Variants in ABTB3 observed in about 807,000 individuals in gnomAD.
ABTB3 encodes ankyrin repeat and BTB domain containing 3, also known as ankyrin repeat- and BTB/POZ domain-containing protein 3.
chr12:107,581,105 CCGGGGAGGCCCTAACGCGCGT>C, the ABTB3 span: 1 of 1,545,234 alleles, frequency 6.5e-7, no homozygotes, highest in Non-Finnish European at 8.7e-7. Flanking sequence ...GCCCCTGCCT[CCGGGGAGGCCCTAACGCGCGT>C]CTCCGGGTCC....
the ABTB3 span, among the ~76,000 whole-genome samples, chr12:107,588,842 G>T: frequency 6.6e-6 from 1 of 152,130 alleles, no homozygotes; most frequent in Non-Finnish European, 1.5e-5. Flanking sequence ...TTTAAATGTT[G>T]GTTGTCCATC....
At chr12:107,415,362 G>T in the ABTB3 span, among the ~76,000 whole-genome samples, 1 of 152,118 alleles carries the variant, frequency 6.6e-6, no homozygotes, top group Non-Finnish European at 1.5e-5. Context: ...CTCCAGCAGA[G>T]AAGAACAGTG....
the ABTB3 span, among the ~76,000 whole-genome samples, chr12:107,645,209 C>T: frequency 0.019 from 2,943 of 152,164 alleles, 94 homozygotes; most frequent in African/African-American, 0.066. Context: ...TCAGGTGATC[C>T]GCCCGCCTTG....
the ABTB3 span, among the ~76,000 whole-genome samples, chr12:107,356,184 G>A: frequency 6.6e-6 from 1 of 152,116 alleles, no homozygotes; most frequent in Non-Finnish European, 1.5e-5. Flanking sequence ...CGTGATATAC[G>A]GGGATTTGCT....
the ABTB3 span, among the ~76,000 whole-genome samples, chr12:107,608,681 G>A: frequency 1.3e-5 from 2 of 151,916 alleles, no homozygotes; most frequent in African/African-American, 2.4e-5. Flanking sequence ...AGCAGCCTGG[G>A]CAACATAACA....
At chr12:107,582,121 G>A in the ABTB3 span, among the ~76,000 whole-genome samples, 1 of 152,162 alleles carries the variant, frequency 6.6e-6, no homozygotes, top group Non-Finnish European at 1.5e-5. Context: ...TTGGGGTTCT[G>A]CAAGGAAATG....
At chr12:107,560,710 C>A in the ABTB3 span, among the ~76,000 whole-genome samples, 7 of 152,318 alleles carry the variant, frequency 4.6e-5, no homozygotes, top group East Asian at 1.2e-3. Flanking sequence ...AATCTCCTCC[C>A]TCTCTTTCTG....
the ABTB3 span, among the ~76,000 whole-genome samples, chr12:107,475,053 G>A: frequency 1.3e-5 from 2 of 152,084 alleles, no homozygotes; most frequent in African/African-American, 4.8e-5. Flanking sequence ...TCACTCTCAG[G>A]GTGATTTTTT....
At chr12:107,330,567 A>G in the ABTB3 span, among the ~76,000 whole-genome samples, 1 of 152,202 alleles carries the variant, frequency 6.6e-6, no homozygotes, top group East Asian at 1.9e-4. Context: ...CTCACATTTT[A>G]CAGATGTGGA....
the ABTB3 span, among the ~76,000 whole-genome samples, chr12:107,415,792 C>G: frequency 6.6e-6 from 1 of 152,114 alleles, no homozygotes; most frequent in East Asian, 1.9e-4. Context: ...CTAGGCCTGG[C>G]TGTCAGTTAA....
At chr12:107,532,415 G>A in the ABTB3 span, among the ~76,000 whole-genome samples, 1 of 152,084 alleles carries the variant, frequency 6.6e-6, no homozygotes, top group Non-Finnish European at 1.5e-5. Flanking sequence ...TGAGGAACAT[G>A]CAGACACTGC....
At chr12:107,531,124 G>A in the ABTB3 span, among the ~76,000 whole-genome samples, 19 of 152,174 alleles carry the variant, frequency 1.2e-4, 1 homozygote, top group Admixed American at 9.8e-4. Flanking sequence ...TGGCACTGTT[G>A]TCATTTTGGA....
chr12:107,629,700 C>T, the ABTB3 span, among the ~76,000 whole-genome samples: 1 of 149,970 alleles, frequency 6.7e-6, no homozygotes, highest in South Asian at 2.1e-4. Context: ...CCTGAGACTG[C>T]AGCCTGTTAT....
At chr12:107,543,908 G>T in the ABTB3 span, 1 of 1,590,852 alleles carries the variant, frequency 6.3e-7, no homozygotes, top group Non-Finnish European at 8.6e-7. Flanking sequence ...CTTCCTGGAG[G>T]ATCTGAAATC....
At chr12:107,439,622 C>T in the ABTB3 span, among the ~76,000 whole-genome samples, 60 of 152,302 alleles carry the variant, frequency 3.9e-4, no homozygotes, top group African/African-American at 1.4e-3. Flanking sequence ...TCCTCCCTGT[C>T]CCTCCTTTCA....
chr12:107,358,936 A>G, the ABTB3 span, among the ~76,000 whole-genome samples: 1 of 152,146 alleles, frequency 6.6e-6, no homozygotes, highest in Non-Finnish European at 1.5e-5. Context: ...GAAACCCACT[A>G]AAATGTGGGA....
chr12:107,455,884 A>G, the ABTB3 span, among the ~76,000 whole-genome samples: 2 of 152,266 alleles, frequency 1.3e-5, no homozygotes, highest in Non-Finnish European at 1.5e-5. Context: ...TAGGGCACCC[A>G]GAGAGGGAGC....
the ABTB3 span, among the ~76,000 whole-genome samples, chr12:107,446,756 C>T: frequency 1.3e-5 from 2 of 152,074 alleles, no homozygotes; most frequent in Non-Finnish European, 2.9e-5. Flanking sequence ...CACAAAGAGG[C>T]GGGACTCAAA....
the ABTB3 span, among the ~76,000 whole-genome samples, chr12:107,415,984 G>A: frequency 6.6e-6 from 1 of 152,086 alleles, no homozygotes; most frequent in Admixed American, 6.5e-5. Context: ...AAAAAAAAAA[G>A]TGACTGGCAT....
Sources: allele counts gnomAD v4.1 joint callset (sites outside exome capture counted in the v4.1 genomes callset), GRCh38; gene constraint gnomAD v4.1.1; transcripts MANE v1.5; gene names NCBI Gene and HGNC (gene_info 2026-07-23, HGNC 2026-07-21).